AP2B1: variants seen among roughly 807,000 people sequenced by gnomAD.
AP2B1 encodes adaptor related protein complex 2 subunit beta 1, also known as AP-2 complex subunit beta.
Under a neutral mutation model 102.0 loss-of-function variants are expected in AP2B1, and 23 were observed. The observed-to-expected ratio is 0.23, with a 90% CI of 0.16 to 0.32. The LOEUF (loss-of-function observed/expected upper bound fraction) is 0.32, where lower values mean the gene tolerates loss of function less well. Ranked by LOEUF, AP2B1 falls within the 10% of genes least tolerant of loss-of-function variation. The pLI is 1.00. For missense variants in AP2B1, 541 were observed against 1,157.4 expected (o/e 0.47, Z 7.73); for synonymous variants, 381 against 421.2 (o/e 0.90, Z 1.17).
intron 6 of AP2B1, among the ~76,000 whole-genome samples, chr17:35,626,308 A>T (rs1473529375): frequency 6.6e-6 from 1 of 152,142 alleles, no homozygotes; most frequent in Non-Finnish European, 1.5e-5. Flanking sequence ...GGAGACAAAG[A>T]GGACTATAAA....
intron 14 of AP2B1, among the ~76,000 whole-genome samples, chr17:35,667,628 T>C (rs2075495360): frequency 6.6e-6 from 1 of 152,244 alleles, no homozygotes; most frequent in South Asian, 2.1e-4. Context: ...GGGCTATGAA[T>C]GTGCTTTCTT....
At chr17:35,680,434 G>C (rs995291540) in intron 17 of AP2B1, among the ~76,000 whole-genome samples, 1 of 151,922 alleles carries the variant, frequency 6.6e-6, no homozygotes, top group Non-Finnish European at 1.5e-5. Context: ...GCTCACTGCA[G>C]CCTCAACCTC....
intron 14 of AP2B1, among the ~76,000 whole-genome samples, chr17:35,666,933 T>G (rs1262975279): frequency 6.6e-6 from 1 of 152,192 alleles, no homozygotes; most frequent in African/African-American, 2.4e-5. Flanking sequence ...CCCAGGAAGT[T>G]AGAGCCCAGC....
At chr17:35,597,105 C>T (rs2073314933) in intron 2 of AP2B1, 4 of 527,728 alleles carry the variant, frequency 7.6e-6, no homozygotes, top group Admixed American at 6.0e-5. Flanking sequence ...ACTGAGGCAG[C>T]AGTAGCGACC....
At chr17:35,711,555 G>C (rs1178184270) in intron 20 of AP2B1, among the ~76,000 whole-genome samples, 3 of 151,534 alleles carry the variant, frequency 2.0e-5, no homozygotes, top group Non-Finnish European at 2.9e-5. Flanking sequence ...TGCAAGCTCC[G>C]CCTCCCGGGT....
chr17:35,723,599 C>G lies in AP2B1; in HGVS notation c.2782-26C>G, dbSNP rs781818051. On this transcript the variant is annotated intron_variant, in intron 21 of 21. Coordinates refer to ENST00000610402, the MANE Select transcript of AP2B1 (RefSeq NM_001030006.2). ...AGCTAATGCCAACCTCTGTGCTAAT[C>G]TTCCATCTCCTTTTTCTCCTAACAG... The G allele has an allele frequency of 4.6e-6, 7 of 1,535,916 alleles. No individual in the cohort carries two copies. The African/African-American group carries it at 9.6e-5, about 21-fold the overall frequency.
chr17:35,648,465 G>A (rs557322855), intron 12 of AP2B1, among the ~76,000 whole-genome samples: 6 of 152,092 alleles, frequency 3.9e-5, no homozygotes, highest in South Asian at 2.1e-4. Flanking sequence ...GCAGTGAGCC[G>A]AGATACGCCA....
rs1423829313 is a variant in AP2B1 at position 35,641,841 on chromosome 17, CA to C, written c.1438-35del. On this transcript the variant is annotated intron_variant, in intron 11 of 21. Transcript: ENST00000610402. ...TGATGGCAGGGAATAATGCCAGTGC[CA>C]TTCTTTCACACTATCACAAATTATG... 7 of 1,479,814 alleles carry C rather than the reference CA, an allele frequency of 4.7e-6. No homozygotes were observed. The Admixed American group carries it at 1.0e-4, about 22-fold the overall frequency. 91.7% of individuals were successfully genotyped at this position (1,479,814 alleles called of 1,614,324 possible).
At chr17:35,647,397 C>CCA (rs1430003923) in intron 12 of AP2B1, among the ~76,000 whole-genome samples, 1 of 151,942 alleles carries the variant, frequency 6.6e-6, no homozygotes, top group Non-Finnish European at 1.5e-5. Flanking sequence ...CCCCCCCTCC[C>CCA]CACACACACA....
intron 18 of AP2B1, among the ~76,000 whole-genome samples, chr17:35,700,024 A>C (rs1260345987): frequency 6.6e-6 from 1 of 152,100 alleles, no homozygotes; most frequent in Non-Finnish European, 1.5e-5. Flanking sequence ...TGAGCCCAGG[A>C]GGTCAAGGCT....
chr17:35,682,973 G>GT, intron 18 of AP2B1, 149 bp downstream of exon 18: 1 of 616,008 alleles, frequency 1.6e-6, no homozygotes, highest in Non-Finnish European at 2.4e-6. Flanking sequence ...TGCCTCCTGG[G>GT]TTCAAATGGT....
At chr17:35,627,901 T>C (rs1218191227) in intron 9 of AP2B1, among the ~76,000 whole-genome samples, 175 bp downstream of exon 9, 2 of 152,234 alleles carry the variant, frequency 1.3e-5, no homozygotes, top group Non-Finnish European at 2.9e-5. Flanking sequence ...ACCTAGACTT[T>C]CTTCTCAGAG....
chr17:35,616,663 C>T (rs958043536), intron 5 of AP2B1, among the ~76,000 whole-genome samples: 4 of 152,176 alleles, frequency 2.6e-5, no homozygotes, highest in Admixed American at 1.3e-4. Context: ...CCAGTTTCAA[C>T]ACTAATGTCC....
intron 1 of AP2B1, among the ~76,000 whole-genome samples, chr17:35,590,788 T>C (rs1289331524): frequency 1.3e-5 from 2 of 152,160 alleles, no homozygotes; most frequent in African/African-American, 4.8e-5. Flanking sequence ...ATATATTCCT[T>C]GACATTGAAA....
In AP2B1 at chr17:35,650,503, A is replaced by G. The variant is rs575299368; in HGVS notation, c.1537-27A>G. ...CTGTATGGAGAACAGTTTCATCTCC[A>G]CCTCCTTGCCTTTGCCTTTTCTTTA... On this transcript the variant is annotated intron_variant, in intron 12 of 21. Coordinates refer to ENST00000610402, the MANE Select transcript of AP2B1 (RefSeq NM_001030006.2). 7 of 1,608,178 alleles carry G rather than the reference A, an allele frequency of 4.4e-6. No individual in the cohort carries two copies. The South Asian group carries it at 6.6e-5, about 15-fold the overall frequency.
chr17:35,701,671 T>G (rs1437927175), intron 18 of AP2B1, among the ~76,000 whole-genome samples: 1 of 152,222 alleles, frequency 6.6e-6, no homozygotes, highest in African/African-American at 2.4e-5. Flanking sequence ...GGTGCAGTCA[T>G]AGTTCACTGT....
intron 18 of AP2B1, among the ~76,000 whole-genome samples, chr17:35,704,771 G>A (rs963283557): frequency 5.3e-5 from 8 of 152,130 alleles, no homozygotes; most frequent in African/African-American, 1.4e-4. Flanking sequence ...GGTGGCTCAC[G>A]CCTGTAATTC....
chr17:35,625,957 A>G (rs1279148790), intron 6 of AP2B1, among the ~76,000 whole-genome samples: 1 of 152,242 alleles, frequency 6.6e-6, no homozygotes, highest in African/African-American at 2.4e-5. Context: ...TAATTTCTAA[A>G]GAACCCTCAA....
rs774327541 is a variant in AP2B1, at chr17:35,594,035, C to T, written c.5C>T (p.Thr2Ile). ...GCACATTAAAGATCCAAAGTCATGA[C>T]TGACTCCAAGTATTTCACAACCAAT... M[T>I]DSKYFTTNKK... is the part of the protein sequence containing the mutation. Residue 2 changes from threonine (T) to isoleucine (I), a missense_variant, in exon 2 of 22, where the codon ACT (threonine) becomes ATT (isoleucine). Transcript: ENST00000610402. 6.3e-7 allele frequency: 1 copy of T among 1,589,470 alleles called. No homozygotes were observed. The highest frequency in any genetic ancestry group is 8.6e-7 in the Non-Finnish European group (1 of 1,166,334).
Sources: allele counts gnomAD v4.1 joint callset (sites outside exome capture counted in the v4.1 genomes callset), GRCh38; gene constraint gnomAD v4.1.1; transcripts MANE v1.5; gene names NCBI Gene and HGNC (gene_info 2026-07-23, HGNC 2026-07-21).